The following ZNF253 variants were observed in gnomAD, a reference collection of about 807,000 sequenced individuals.
The protein encoded by ZNF253 is DNA-binding protein.
A neutral mutation model predicts 11.9 loss-of-function variants in ZNF253; 8 were observed. The ratio of observed to expected loss-of-function variants is 0.67; its 90% CI spans 0.40 to 1.22. The LOEUF (loss-of-function observed/expected upper bound fraction) is 1.22. ZNF253 is among the 50% of genes most tolerant of loss of function. ZNF253 has a pLI of 0.01. For missense variants in ZNF253, 485 were observed against 586.9 expected, an observed-to-expected ratio of 0.83 and a Z score of 1.79; for synonymous variants, 194 against 194.9, an observed-to-expected ratio of 1.00 and a Z score of 0.04.
chr19:19,892,537 C>CA lies in ZNF253; in HGVS notation c.1293dup (p.Ser432IlefsTer12). On this transcript the variant is annotated frameshift_variant, in exon 4 of 4. Coordinates refer to ENST00000589717, the MANE Select transcript of ZNF253 (RefSeq NM_021047.3). LOFTEE classifies it low-confidence loss of function (END_TRUNC). Reference sequence around the variant, plus strand: ...AACCCTACAAATGTGAAGAATGTGGCAAATCCTTTACTGCATCCTCAACTC... The same window carrying CA: ...AACCCTACAAATGTGAAGAATGTGGCAAAATCCTTTACTGCATCCTCAACTC... 1.2e-6 allele frequency: 2 copies of CA among 1,613,750 alleles called. No individual in the cohort carries two copies. Among genetic ancestry groups the CA allele is most frequent in the Non-Finnish European group, 1.7e-6 (2 of 1,179,942 alleles).
At chr19:19,879,868 T>C (rs1456548123) in intron 2 of ZNF253, among the ~76,000 whole-genome samples, 183 bp from the exon 3 acceptor site, 2 of 152,226 alleles carry the variant, frequency 1.3e-5, no homozygotes, top group African/African-American at 4.8e-5. Context: ...TAGTATCAGA[T>C]AGTAAAATAA....
chr19:19,892,813 C>T lies in ZNF253; in HGVS notation c.*66C>T. On this transcript the variant is annotated 3_prime_UTR_variant, in exon 4 of 4. Coordinates refer to ENST00000589717, the MANE Select transcript of ZNF253 (RefSeq NM_021047.3). ...GAAAGCCTTTAACCAGCCCTCGACTCTTAGTAAATTTGAGAGTTTATATGG... is the reference window on the plus strand; with the variant it reads ...GAAAGCCTTTAACCAGCCCTCGACTTTTAGTAAATTTGAGAGTTTATATGG... 1 of 1,434,724 alleles carries T rather than the reference C, an allele frequency of 7.0e-7. No individual in the cohort carries two copies. 88.9% of individuals were successfully genotyped at this position (1,434,724 alleles called of 1,614,324 possible). A position where few individuals can be genotyped will look rare whatever the true frequency, so the allele number is the denominator to read the frequency against.
chr19:19,892,036 A>T lies in ZNF253; in HGVS notation c.789A>T (p.Lys263Asn), dbSNP rs1435727943. 6.2e-7 allele frequency: 1 copy of T among 1,613,878 alleles called. No individual in the cohort carries two copies. The highest frequency in any genetic ancestry group is 2.2e-5 in the East Asian group (1 of 44,874). Residue 263 changes from lysine to asparagine, a missense_variant, in exon 4 of 4, where the codon AAA (lysine) becomes AAT (asparagine). Coordinates refer to ENST00000589717, the MANE Select transcript of ZNF253 (RefSeq NM_021047.3). ...EKPYKCEECG[K>N]AFNRSTDLTT... Reference sequence around the variant, plus strand: ...CCTACAAATGTGAAGAATGTGGCAAAGCCTTCAACCGATCCACAGACCTTA... The same window carrying T: ...CCTACAAATGTGAAGAATGTGGCAATGCCTTCAACCGATCCACAGACCTTA...
At chr19:19,866,028 A>G (rs372131296) in intron 1 of ZNF253, 29 bp downstream of exon 1, 2 of 1,613,942 alleles carry the variant, frequency 1.2e-6, no homozygotes, top group Non-Finnish European at 8.5e-7. Context: ...GTCCCGAGAG[A>G]GGGGAGAGGC....
rs571137078 is a variant in ZNF253, at chr19:19,866,868, A to G, written c.3+869A>G. ...GCTGACCCGATTGGCTACTTTCCAAATAAGGAAGGGGTTCGGGTCGCAGAT... is the reference window on the plus strand; with the variant it reads ...GCTGACCCGATTGGCTACTTTCCAAGTAAGGAAGGGGTTCGGGTCGCAGAT... On this transcript the variant is annotated intron_variant, in intron 1 of 3. Coordinates refer to ENST00000589717, the MANE Select transcript of ZNF253 (RefSeq NM_021047.3). Among the ~76,000 whole-genome samples, 11 of 152,198 alleles carry G rather than the reference A, an allele frequency of 7.2e-5. No homozygotes were observed. The South Asian group carries it at 2.1e-3, about 29-fold the overall frequency.
chr19:19,876,767 G>A (rs764084832), intron 1 of ZNF253, among the ~76,000 whole-genome samples: 11 of 151,936 alleles, frequency 7.2e-5, no homozygotes, highest in South Asian at 2.1e-4. Context: ...CTGCCTCCTC[G>A]AATGCTATGC....
At chr19:19,872,984 C>T (rs111283312) in intron 1 of ZNF253, among the ~76,000 whole-genome samples, 137 of 152,036 alleles carry the variant, frequency 9.0e-4, no homozygotes, top group African/African-American at 3.2e-3. Context: ...AAAAAAGGGC[C>T]GGACTTTGGA....
chr19:19,885,319 TTTC>T lies in ZNF253; in HGVS notation c.226+5176_226+5178del, dbSNP rs1486970075. Among the ~76,000 whole-genome samples, 180 of 75,076 alleles carry T rather than the reference TTTC, an allele frequency of 2.4e-3. 5 individuals carry two copies. The highest frequency in any genetic ancestry group is 3.1e-3 in the Non-Finnish European group (144 of 46,926). 49.3% of individuals were successfully genotyped at this position (75,076 alleles called of 152,430 possible). A position where few individuals can be genotyped will look rare whatever the true frequency, so the allele number is the denominator to read the frequency against. ...TTTCTTTTCTTTCTTTCTTTCTTTCTTTCTTTCTTTCTTTCTTTCTTTCTTTCT... is the reference window on the plus strand; with the variant it reads ...TTTCTTTTCTTTCTTTCTTTCTTTCTTTTCTTTCTTTCTTTCTTTCTTTCT... On this transcript the variant is annotated intron_variant, in intron 3 of 3. Coordinates refer to ENST00000589717, the MANE Select transcript of ZNF253 (RefSeq NM_021047.3).
intron 3 of ZNF253, among the ~76,000 whole-genome samples, chr19:19,888,100 A>G (rs143191546): frequency 1.2e-3 from 179 of 151,616 alleles, no homozygotes; most frequent in African/African-American, 4.1e-3. Flanking sequence ...ATCTTGGTCT[A>G]TCACTCAGGC....
chr19:19,873,867 G>T (rs1238662514), intron 1 of ZNF253, among the ~76,000 whole-genome samples: 1 of 151,756 alleles, frequency 6.6e-6, no homozygotes, highest in East Asian at 1.9e-4. Context: ...GACTTGTGAT[G>T]TCTACACCTG....
intron 3 of ZNF253, among the ~76,000 whole-genome samples, chr19:19,884,212 T>A (rs1241053929): frequency 6.6e-6 from 1 of 152,188 alleles, no homozygotes; most frequent in African/African-American, 2.4e-5. Context: ...TTCCATCATA[T>A]GTATATGTTA....
intron 3 of ZNF253, among the ~76,000 whole-genome samples, chr19:19,880,445 C>T (rs1159254962): frequency 6.6e-6 from 1 of 152,046 alleles, no homozygotes; most frequent in East Asian, 1.9e-4. Context: ...TGGCTCACCC[C>T]TGTACTCCCA....
chr19:19,876,097 A>T (rs1041744873), intron 1 of ZNF253, among the ~76,000 whole-genome samples: 1 of 152,214 alleles, frequency 6.6e-6, no homozygotes, highest in African/African-American at 2.4e-5. Context: ...TACCAGAAGT[A>T]TTTGGTTGTG....
Position 19,892,165 on chromosome 19 carries a change from T to C in ZNF253, c.918T>C (p.His306=), listed in dbSNP as rs1237135347. The C allele has an allele frequency of 1.2e-6, 2 of 1,613,816 alleles. No individual in the cohort carries two copies. Among genetic ancestry groups the C allele is most frequent in the South Asian group, 1.1e-5 (1 of 91,044 alleles). Residue 306 remains histidine, a synonymous_variant, in exon 4 of 4, where the codon CAT becomes CAC. Transcript: ENST00000589717. The stretch of plus-strand genomic sequence containing the variant: ...ACGTTACCACACATAAGAAAATTCA[T>C]ACTAGAGGGAAACCCTACAACTGTG... ...PSHVTTHKKI[H]TRGKPYNCEE...
Position 19,872,561 on chromosome 19 carries a change from C to CTATATATATATATATATATATATATATA in ZNF253, c.4-5901_4-5900insATATATATATATATATATATATATATAT, listed in dbSNP as rs58650123. The stretch of plus-strand genomic sequence containing the variant: ...CTATATCCCATACCCTAAACCATAA[C>CTATATATATATATATATATATATATATA]TATATATATATATATATATTATTAT... On this transcript the variant is annotated intron_variant, in intron 1 of 3. Coordinates refer to ENST00000589717, the MANE Select transcript of ZNF253 (RefSeq NM_021047.3). Among the ~76,000 whole-genome samples, 32 of 121,910 alleles carry CTATATATATATATATATATATATATATA rather than the reference C, an allele frequency of 2.6e-4. No individual in the cohort carries two copies. The South Asian group carries it at 2.9e-3, about 11-fold the overall frequency. The allele number at this position is 121,910 out of a possible 152,430, so 80.0% of individuals were successfully genotyped here. A position where few individuals can be genotyped will look rare whatever the true frequency, so the allele number is the denominator to read the frequency against.
intron 3 of ZNF253, among the ~76,000 whole-genome samples, chr19:19,885,349 T>C (rs184829778): frequency 2.5e-4 from 17 of 66,826 alleles, no homozygotes; most frequent in South Asian, 1.3e-3. Flanking sequence ...TTTCTTTCTT[T>C]CTTTCTTCCT....
chr19:19,872,572 TA>T (rs2063138201), intron 1 of ZNF253, among the ~76,000 whole-genome samples: 1 of 113,834 alleles, frequency 8.8e-6, no homozygotes, highest in African/African-American at 5.3e-5. Flanking sequence ...TATATATATA[TA>T]TATATATTAT....
intron 2 of ZNF253, 123 bp downstream of exon 2, chr19:19,878,730 C>T (rs541517846): frequency 2.3e-5 from 23 of 1,012,394 alleles, no homozygotes; most frequent in East Asian, 5.7e-5. Context: ...TAAGCCACTG[C>T]GCCTGGCCAT....
At position 19,888,298 on chromosome 19, in the gene ZNF253, C is replaced by A. The variant is rs1166745725; in HGVS notation, c.227-3176C>A. 2.0e-5 allele frequency among the ~76,000 whole-genome samples: 3 copies of A among 152,154 alleles called. No individual in the cohort carries two copies. In the East Asian group the frequency reaches 5.8e-4, roughly 29 times the overall value. On this transcript the variant is annotated intron_variant, in intron 3 of 3. Transcript: ENST00000589717. ...ACGCTGGTCTTGGACTCCTGACCTCCAGTGATTCACCCGCCTTGGTCTCCC... is the reference window on the plus strand; with the variant it reads ...ACGCTGGTCTTGGACTCCTGACCTCAAGTGATTCACCCGCCTTGGTCTCCC...
Sources: gnomAD v4.1 joint callset for allele counts (sites outside exome capture counted in the v4.1 genomes callset) on GRCh38, gnomAD v4.1.1 for gene constraint, MANE v1.5 for transcripts, NCBI Gene and HGNC (gene_info 2026-07-23, HGNC 2026-07-21) for gene names.